TMEM266: variants seen among roughly 807,000 people sequenced by gnomAD.
TMEM266 encodes the protein Hv1 related protein 1.
In TMEM266, 33 loss-of-function variants were observed where a neutral mutation model predicts 50.5. The ratio of observed to expected loss-of-function variants is 0.65; its 90% CI spans 0.50 to 0.87. The LOEUF is 0.87. Ranked by LOEUF, TMEM266 falls within the 40% of genes least tolerant of loss-of-function variation. TMEM266 has a pLI of 0.00. For missense variants in TMEM266, 655 were observed against 695.1 expected, an observed-to-expected ratio of 0.94 and a Z score of 0.65; for synonymous variants, 310 against 292.3, an observed-to-expected ratio of 1.06 and a Z score of -0.62.
chr15:76,195,949 C>T (rs932791132), intron 9 of TMEM266, among the ~76,000 whole-genome samples: 4 of 152,224 alleles, frequency 2.6e-5, no homozygotes, highest in African/African-American at 7.2e-5. Flanking sequence ...CCCTCCTGCT[C>T]CTCCTCTCTC....
chr15:76,161,237 C>T lies in TMEM266; in HGVS notation c.456+1069C>T, dbSNP rs893750249. On this transcript the variant is annotated intron_variant, in intron 5 of 10. Coordinates refer to ENST00000388942, the MANE Select transcript of TMEM266 (RefSeq NM_152335.3). This position sits in a 1 kb window ranked among gnomAD's most constrained non-coding sequence, Gnocchi z 4.1. The stretch of plus-strand genomic sequence containing the variant: ...GGAAACCCTCAGGGAAAGGCAGGAA[C>T]GAGGGAGGCACAGCACCTGCTGGGA... Among the ~76,000 whole-genome samples, 2 of 152,160 alleles carry T rather than the reference C, an allele frequency of 1.3e-5. No individual in the cohort carries two copies. Among genetic ancestry groups the T allele is most frequent in the African/African-American group, 2.4e-5 (1 of 41,440 alleles).
chr15:76,080,602 G>A (rs1049248168), intron 1 of TMEM266, among the ~76,000 whole-genome samples: 18 of 151,638 alleles, frequency 1.2e-4, no homozygotes, highest in African/African-American at 2.2e-4. Flanking sequence ...CCCTCCTGCC[G>A]TCCTCTCATT....
intron 8 of TMEM266, among the ~76,000 whole-genome samples, chr15:76,189,075 C>T (rs11637473): frequency 0.25 from 37,761 of 151,966 alleles, 5,244 homozygotes; most frequent in East Asian, 0.57. Context: ...GCCTGTCGTC[C>T]CAGTTACTCA....
Position 76,192,030 on chromosome 15 carries a change from C to A in TMEM266, c.831C>A (p.Arg277=). The change falls in exon 9 of 11, where the codon CGC becomes CGA. Residue 277 remains arginine (R), a synonymous_variant. Coordinates refer to ENST00000388942, the MANE Select transcript of TMEM266 (RefSeq NM_152335.3). ...AGGACCTGGACCTGGCTGCCGAGCG[C>A]GAAGCGGCGCTCCAGGCCCCGCACG... 6.4e-7 allele frequency: 1 copy of A among 1,567,500 alleles called. No individual in the cohort carries two copies. The highest frequency in any genetic ancestry group is 8.6e-7 in the Non-Finnish European group (1 of 1,162,674).
intron 1 of TMEM266, among the ~76,000 whole-genome samples, chr15:76,103,031 TG>T (rs1005120655): frequency 1.3e-5 from 2 of 151,912 alleles, no homozygotes; most frequent in African/African-American, 4.8e-5. Context: ...CTTGGGTTTC[TG>T]CTATGTGGAG....
In TMEM266 at chr15:76,156,675, T is replaced by C. The variant is rs1163659376; in HGVS notation, c.299T>C (p.Leu100Pro). Residue 100 changes from leucine (L) to proline (P), a missense_variant, in exon 4 of 11, where the codon CTC becomes CCC. By Grantham distance (98) the Leu-to-Pro change is moderately conservative. This residue lies in a region of TMEM266 where 101 missense variants were observed against 182.6 expected (regional missense o/e 0.55). Transcript: ENST00000388942. ...CAGGTATTTTTGCTCAGTGCAAGTC[T>C]CAACAGTTTCCTGGTAGCCTGTGTA... 6.2e-7 allele frequency: 1 copy of C among 1,614,102 alleles called. No homozygotes were observed. Among genetic ancestry groups the C allele is most frequent in the African/African-American group, 1.3e-5 (1 of 74,940 alleles).
intron 8 of TMEM266, among the ~76,000 whole-genome samples, chr15:76,188,406 C>A (rs2038519863): frequency 6.6e-6 from 1 of 152,132 alleles, no homozygotes; most frequent in Non-Finnish European, 1.5e-5. Flanking sequence ...AGTTCGAGAC[C>A]AGCCTGGCCA....
chr15:76,192,858 C>T (rs1440248587), intron 9 of TMEM266, among the ~76,000 whole-genome samples: 2 of 152,178 alleles, frequency 1.3e-5, no homozygotes, highest in East Asian at 3.8e-4. Flanking sequence ...AGGGCTGCTG[C>T]GAGGCTCAGA....
intron 1 of TMEM266, among the ~76,000 whole-genome samples, chr15:76,109,843 G>A (rs991615466): frequency 4.6e-5 from 7 of 151,180 alleles, no homozygotes; most frequent in African/African-American, 1.5e-4. Flanking sequence ...AATTTTTTGT[G>A]GAGACAAGGT....
At chr15:76,061,594 G>A (rs1403208935) in intron 1 of TMEM266, among the ~76,000 whole-genome samples, 1 of 152,162 alleles carries the variant, frequency 6.6e-6, no homozygotes, top group Non-Finnish European at 1.5e-5. Context: ...CAACTTTGTG[G>A]CTTTCCAGTA....
chr15:76,102,478 C>T (rs2037013891), intron 1 of TMEM266, among the ~76,000 whole-genome samples: 1 of 152,032 alleles, frequency 6.6e-6, no homozygotes, highest in Non-Finnish European at 1.5e-5. Flanking sequence ...AAGCCATGGA[C>T]ACCTGAGAGA....
chr15:76,103,388 T>C (rs2037034073), intron 1 of TMEM266, among the ~76,000 whole-genome samples: 1 of 151,424 alleles, frequency 6.6e-6, no homozygotes, highest in Non-Finnish European at 1.5e-5. Flanking sequence ...GTATCCCAGC[T>C]ACTTGGGAGG....
At chr15:76,155,501 A>G (rs983661316) in intron 3 of TMEM266, among the ~76,000 whole-genome samples, 1 of 152,164 alleles carries the variant, frequency 6.6e-6, no homozygotes, top group Non-Finnish European at 1.5e-5. Context: ...CATATAGTCA[A>G]GGGTTTCCCT....
chr15:76,163,568 C>T (rs540396553), intron 5 of TMEM266, among the ~76,000 whole-genome samples: 2 of 152,208 alleles, frequency 1.3e-5, no homozygotes, highest in Admixed American at 6.5e-5. Flanking sequence ...ATTGTGCAAA[C>T]GTTCCTCCAA....
chr15:76,122,821 A>C (rs2405420), intron 1 of TMEM266, among the ~76,000 whole-genome samples: 11,211 of 152,220 alleles, frequency 0.074, 1,341 homozygotes, highest in African/African-American at 0.25. Context: ...GGCGAGGAGC[A>C]AGTGGATCCT....
intron 1 of TMEM266, among the ~76,000 whole-genome samples, chr15:76,074,784 C>T (rs2036583255): frequency 6.6e-6 from 1 of 151,998 alleles, no homozygotes; most frequent in Admixed American, 6.5e-5. Flanking sequence ...CAGAAAGGCA[C>T]TTAGAGGGCT....
At chr15:76,123,767 C>T (rs1428629007) in intron 1 of TMEM266, among the ~76,000 whole-genome samples, 7 of 151,442 alleles carry the variant, frequency 4.6e-5, no homozygotes, top group Admixed American at 1.3e-4. Context: ...AGTGCAGTGG[C>T]GTGATCTTGG....
At chr15:76,106,061 C>T (rs146388576) in intron 1 of TMEM266, among the ~76,000 whole-genome samples, 176 of 152,274 alleles carry the variant, frequency 1.2e-3, no homozygotes, top group Non-Finnish European at 2.2e-3. Context: ...ATGCACAGGC[C>T]CCCAGTTTAG....
chr15:76,101,009 T>C (rs1158777202), intron 1 of TMEM266, among the ~76,000 whole-genome samples: 1 of 152,200 alleles, frequency 6.6e-6, no homozygotes, highest in African/African-American at 2.4e-5. Flanking sequence ...GTTTTTTTTT[T>C]TTTCTATATT....
Sources: allele counts gnomAD v4.1 joint callset (sites outside exome capture counted in the v4.1 genomes callset), GRCh38; gene constraint gnomAD v4.1.1; regional missense constraint gnomAD v4.1.1; non-coding constraint Gnocchi (gnomAD v3.1); transcripts MANE v1.5; gene names NCBI Gene and HGNC (gene_info 2026-07-23, HGNC 2026-07-21).